TECTA: variants seen among roughly 807,000 people sequenced by gnomAD.
The protein encoded by TECTA is alpha-tectorin.
Under a neutral mutation model 216.8 loss-of-function variants are expected in TECTA, and 128 were observed. That is an observed-to-expected ratio of 0.59 (90% confidence interval 0.51 to 0.68). The LOEUF is 0.68. TECTA is among the 30% of genes least tolerant of loss of function. The pLI is 0.00. For missense variants in TECTA, 2,551 were observed against 2,786.2 expected, an observed-to-expected ratio of 0.92 and a Z score of 1.90; for synonymous variants, 1,089 against 1,117.1, an observed-to-expected ratio of 0.97 and a Z score of 0.50.
chr11:121,190,617 C>G, intron 23 of TECTA, 89 bp from the exon 24 acceptor site: 2 of 1,051,676 alleles, frequency 1.9e-6, no homozygotes, highest in Non-Finnish European at 2.9e-6. Flanking sequence ...AGTTTCCTTT[C>G]TTTAGCTGAG....
intron 16 of TECTA, among the ~76,000 whole-genome samples, chr11:121,164,509 G>A (rs189263885): frequency 1.2e-3 from 184 of 152,230 alleles, no homozygotes; most frequent in South Asian, 2.1e-3. Context: ...TCAGACCGAG[G>A]CGTTGACTAT....
intron 12 of TECTA, among the ~76,000 whole-genome samples, chr11:121,147,380 C>T (rs916170553): frequency 4.6e-5 from 7 of 152,106 alleles, no homozygotes; most frequent in African/African-American, 7.2e-5. Context: ...ACTGGATTCA[C>T]GTAGATTGTA....
Position 121,145,567 on chromosome 11 carries a change from C to T in TECTA, c.3556C>T (p.Arg1186Trp), listed in dbSNP as rs148098950. 838 of 1,614,196 alleles carry T rather than the reference C, an allele frequency of 5.2e-4. 3 individuals carry two copies. The South Asian group carries it at 5.8e-3, about 11-fold the overall frequency. Residue 1186 changes from arginine to tryptophan, a missense_variant, in exon 12 of 24, where the codon CGG (arginine) becomes TGG (tryptophan). Physicochemically the swap from Arg to Trp is moderately radical, Grantham distance 101. This residue lies in a region of TECTA where 2,375 missense variants were observed against 2,563.9 expected (regional missense o/e 0.93). Coordinates refer to ENST00000392793, the MANE Select transcript of TECTA (RefSeq NM_005422.4). ...YKHTVLVNSE[R>W]LYLPLKLGQG... ...TCTCCTCTTACAGGTCAACAGTGAA[C>T]GGCTCTATCTGCCCCTGAAGCTGGG...
rs539644878 is a variant in TECTA, at chr11:121,102,156, G to T, written c.-1-509G>T. On this transcript the variant is annotated intron_variant, in intron 1 of 23. Transcript: ENST00000392793. The stretch of plus-strand genomic sequence containing the variant: ...GGATCGGCTCCATTCTATGGAGAAG[G>T]TGATGGCAGACTCTAAATTCTCCTA... Among the ~76,000 whole-genome samples, 8 of 152,266 alleles carry T rather than the reference G, an allele frequency of 5.3e-5. No individual in the cohort carries two copies. The South Asian group carries it at 1.7e-3, about 32-fold the overall frequency.
At chr11:121,145,251 T>C (rs908588899) in intron 11 of TECTA, among the ~76,000 whole-genome samples, 14 of 152,334 alleles carry the variant, frequency 9.2e-5, no homozygotes, top group African/African-American at 3.4e-4. Flanking sequence ...AAACTTTAAT[T>C]GAATTCTTAT....
chr11:121,154,270 AAAAG>A (rs1946920742), intron 13 of TECTA, among the ~76,000 whole-genome samples: 1 of 152,234 alleles, frequency 6.6e-6, no homozygotes, highest in African/African-American at 2.4e-5. Flanking sequence ...GGGGATAAAT[AAAAG>A]AAATGTGGAC....
chr11:121,105,691 G>T lies in TECTA; in HGVS notation c.65-140G>T. 1 of 1,083,342 alleles carries T rather than the reference G, an allele frequency of 9.2e-7. No individual in the cohort carries two copies. Among genetic ancestry groups the T allele is most frequent in the Non-Finnish European group, 1.4e-6 (1 of 732,240 alleles). The allele number at this position is 1,083,342 out of a possible 1,614,324, so 67.1% of individuals were successfully genotyped here. A position where few individuals can be genotyped will look rare whatever the true frequency, so the allele number is the denominator to read the frequency against. The stretch of plus-strand genomic sequence containing the variant: ...CTGCGCTGTGTATGGCCTAGGTTTA[G>T]GATGAATGACAGGGCAGTATGACTT... On this transcript the variant is annotated intron_variant, in intron 2 of 23. Coordinates refer to ENST00000392793, the MANE Select transcript of TECTA (RefSeq NM_005422.4). The surrounding 1 kb of genome is among the most constrained non-coding windows in gnomAD (Gnocchi z 5.3).
At chr11:121,189,247 T>C in intron 22 of TECTA, 80 bp downstream of exon 22, 1 of 1,407,628 alleles carries the variant, frequency 7.1e-7, no homozygotes, top group Non-Finnish European at 1.0e-6. Context: ...ACCTCTGATG[T>C]GGGTCCAGTG....
intron 7 of TECTA, among the ~76,000 whole-genome samples, chr11:121,123,783 A>G (rs1946581591): frequency 6.6e-6 from 1 of 152,190 alleles, no homozygotes; most frequent in South Asian, 2.1e-4. Flanking sequence ...CTCAGAGTCA[A>G]AGCCAAAGTC....
intron 13 of TECTA, among the ~76,000 whole-genome samples, chr11:121,157,410 T>C (rs1332394052): frequency 6.6e-6 from 1 of 151,984 alleles, no homozygotes; most frequent in Admixed American, 6.6e-5. Context: ...TTCAAGAACA[T>C]AGTGAGACTC....
intron 2 of TECTA, among the ~76,000 whole-genome samples, chr11:121,104,421 A>C (rs1946373203): frequency 6.6e-6 from 1 of 152,102 alleles, no homozygotes; most frequent in East Asian, 1.9e-4. Flanking sequence ...GCTGCTTCTC[A>C]GCAACTTCTG....
chr11:121,158,116 T>C lies in TECTA; in HGVS notation c.4581T>C (p.Leu1527=), dbSNP rs141671561. The change falls in exon 14 of 24, where the codon CTT becomes CTC. Residue 1527 remains leucine, a synonymous_variant. Transcript: ENST00000392793. ...AACTGCCCGACATCTCCTTCCAGCT[T>C]ATCATCAACTTCGACAAGTGGTCGG... ...CQKLPDISFQ[L]IINFDKWSAP... 1.4e-5 allele frequency: 22 copies of C among 1,614,100 alleles called. No homozygotes were observed. The African/African-American group carries it at 2.9e-4, about 22-fold the overall frequency.
At chr11:121,138,077 G>A in intron 11 of TECTA, 55 bp downstream of exon 11, 2 of 1,610,014 alleles carry the variant, frequency 1.2e-6, no homozygotes, top group African/African-American at 1.3e-5. Context: ...TCAGGATGGG[G>A]TCGGCAAGCC....
At chr11:121,150,873 T>G (rs920364358) in intron 12 of TECTA, among the ~76,000 whole-genome samples, 4 of 152,096 alleles carry the variant, frequency 2.6e-5, no homozygotes, top group African/African-American at 9.7e-5. Context: ...CTCGATCTCT[T>G]GACCTCATGA....
chr11:121,160,329 C>G lies in TECTA; in HGVS notation c.4884C>G (p.Asp1628Glu). 1 of 1,614,074 alleles carries G rather than the reference C, an allele frequency of 6.2e-7. No individual in the cohort carries two copies. Among genetic ancestry groups the G allele is most frequent in the East Asian group, 2.2e-5 (1 of 44,880 alleles). ...GTCTCTGTGGCAACTTCAACGGGGA[C>G]CTAACAGATGATTATGTGACCTTGC... is the stretch of plus-strand genomic sequence containing the variant. The part of the protein sequence containing the change: ...VCGLCGNFNG[D>E]LTDDYVTLRG... The change falls in exon 15 of 24, where the codon GAC (aspartate) becomes GAG (glutamate). Residue 1628 changes from aspartate (D) to glutamate (E), a missense_variant. Physicochemically the swap from Asp to Glu is conservative, Grantham distance 45. Around this residue, in one of 3 missense-constraint regions of TECTA, gnomAD observed 2,375 missense variants for 2,563.9 expected, o/e 0.93. Transcript: ENST00000392793.
At chr11:121,189,526 C>G (rs552061275) in intron 22 of TECTA, among the ~76,000 whole-genome samples, 1 of 151,900 alleles carries the variant, frequency 6.6e-6, no homozygotes, top group Non-Finnish European at 1.5e-5. Context: ...GGTGCCCGCC[C>G]CCACGCCCGG....
chr11:121,162,511 T>C, intron 16 of TECTA, 141 bp downstream of exon 16: 1 of 1,178,912 alleles, frequency 8.5e-7, no homozygotes, highest in African/African-American at 1.5e-5. Flanking sequence ...AGTAGAGAGC[T>C]GTGAGCTGCA....
At chr11:121,112,166 G>A (rs973339108) in intron 4 of TECTA, among the ~76,000 whole-genome samples, 4 of 152,212 alleles carry the variant, frequency 2.6e-5, no homozygotes, top group African/African-American at 9.7e-5. Flanking sequence ...ATTAGCAAGA[G>A]GAAAATATAA....
intron 20 of TECTA, among the ~76,000 whole-genome samples, chr11:121,174,369 A>G (rs1947143239): frequency 6.6e-6 from 1 of 151,858 alleles, no homozygotes; most frequent in African/African-American, 2.4e-5. Context: ...TGTCCCATCA[A>G]TACCTAATTT....
Sources: allele counts gnomAD v4.1 joint callset (sites outside exome capture counted in the v4.1 genomes callset), GRCh38; gene constraint gnomAD v4.1.1; regional missense constraint gnomAD v4.1.1; non-coding constraint Gnocchi (gnomAD v3.1); transcripts MANE v1.5; gene names NCBI Gene and HGNC (gene_info 2026-07-23, HGNC 2026-07-21).